Variants in KDM3A observed in about 807,000 individuals in gnomAD.
The protein encoded by KDM3A is lysine demethylase 3A, also known as lysine-specific demethylase 3A.
In KDM3A, 60 loss-of-function variants were observed where a neutral mutation model predicts 158.0. The ratio of observed to expected loss-of-function variants is 0.38; its 90% CI spans 0.31 to 0.47. The LOEUF (loss-of-function observed/expected upper bound fraction) is 0.47, where lower values mean the gene tolerates loss of function less well. KDM3A is among the 20% of genes least tolerant of loss of function. KDM3A has a pLI of 0.99. For synonymous variants in KDM3A, 608 were observed against 549.3 expected (o/e 1.11, Z -1.49); for missense variants, 1,319 against 1,574.3 (o/e 0.84, Z 2.74).
At position 86,466,744 on chromosome 2, in the gene KDM3A, T is replaced by C; in HGVS notation, c.1380T>C (p.Asn460=). The C allele has an allele frequency of 6.2e-7, 1 of 1,613,896 alleles. No homozygotes were observed. Among genetic ancestry groups the C allele is most frequent in the Middle Eastern group, 1.7e-4 (1 of 6,060 alleles). Reference sequence around the variant, plus strand: ...CACCAGAAGTGAAAGCAGGTGTCAATAGTGATAGCCCTAATAACTGTTCAG... The same window carrying C: ...CACCAGAAGTGAAAGCAGGTGTCAACAGTGATAGCCCTAATAACTGTTCAG... The part of the protein sequence containing the change: ...SNAPEVKAGV[N]SDSPNNCSGK... Residue 460 remains asparagine (N), a synonymous_variant, in exon 10 of 26, where the codon AAT becomes AAC. Transcript: ENST00000312912.
At chr2:86,476,565 C>T (rs1300252638) in intron 12 of KDM3A, among the ~76,000 whole-genome samples, 1 of 152,140 alleles carries the variant, frequency 6.6e-6, no homozygotes, top group Non-Finnish European at 1.5e-5. Context: ...TACCTCTGAT[C>T]CTGAGATTAG....
In KDM3A at chr2:86,442,136, A is replaced by C; in HGVS notation, c.89A>C (p.His30Pro). 1 of 1,614,142 alleles carries C rather than the reference A, an allele frequency of 6.2e-7. No individual in the cohort carries two copies. The highest frequency in any genetic ancestry group is 8.5e-7 in the Non-Finnish European group (1 of 1,180,020). ...GCAGCCGACGGCAGCGATGGCAGCC[A>C]CGACAGCTGGGACGTGGAGCGCGTC... ...LSAADGSDGS[H>P]DSWDVERVAE... The change falls in exon 2 of 26, where the codon CAC (histidine) becomes CCC (proline). Residue 30 changes from histidine (H) to proline (P), a missense_variant. His to Pro is a moderately conservative substitution (Grantham distance 77). Coordinates refer to ENST00000312912, the MANE Select transcript of KDM3A (RefSeq NM_018433.6).
In KDM3A at chr2:86,442,045, A is replaced by ACCAT; in HGVS notation, c.-2_2dup. The ACCAT allele has an allele frequency of 1.2e-6, 2 of 1,613,808 alleles. No homozygotes were observed. The highest frequency in any genetic ancestry group is 1.7e-6 in the Non-Finnish European group (2 of 1,179,904). On this transcript the variant is annotated 5_prime_UTR_variant, in exon 2 of 26. Coordinates refer to ENST00000312912, the MANE Select transcript of KDM3A (RefSeq NM_018433.6). ...AGGAGCTCTTCCTGCAGGCGTGGAA[A>ACCAT]CCATGGTGCTCACGCTCGGAGAAAG...
chr2:86,456,416 A>ATTTTTTTTTTT (rs11431031), intron 5 of KDM3A, 26 bp from the exon 6 acceptor site: 3 of 1,057,868 alleles, frequency 2.8e-6, no homozygotes, highest in South Asian at 2.1e-5. Flanking sequence ...TTGCTCTAAG[A>ATTTTTTTTTTT]TTTTTTTTTT....
At chr2:86,491,342 T>A in intron 25 of KDM3A, 67 bp downstream of exon 25, 1 of 1,515,066 alleles carries the variant, frequency 6.6e-7, no homozygotes, top group Admixed American at 1.7e-5. Context: ...ATTCTTCACC[T>A]TATAAAGAGA....
At chr2:86,486,506 G>A (rs1674186835) in intron 21 of KDM3A, among the ~76,000 whole-genome samples, 1 of 152,170 alleles carries the variant, frequency 6.6e-6, no homozygotes. Context: ...AAGGAAGTAT[G>A]TATTGTTGAA....
At chr2:86,448,491 C>T (rs1328789999) in intron 2 of KDM3A, among the ~76,000 whole-genome samples, 1 of 152,118 alleles carries the variant, frequency 6.6e-6, no homozygotes, top group Admixed American at 6.5e-5. Context: ...AATTGTCAAT[C>T]AGTTAACAAA....
In KDM3A at chr2:86,466,783, A is replaced by G. The variant is rs762608231; in HGVS notation, c.1419A>G (p.Glu473=). Residue 473 remains glutamate, a synonymous_variant, in exon 10 of 26, where the codon GAA becomes GAG. Transcript: ENST00000312912. ...ATAACTGTTCAGGAAAAAAGGTAGA[A>G]CCTTCAGCTTTAGCTTGCCGATCAC... ...SPNNCSGKKV[E]PSALACRSQN... 1 of 1,613,742 alleles carries G rather than the reference A, an allele frequency of 6.2e-7. No homozygotes were observed. Among genetic ancestry groups the G allele is most frequent in the South Asian group, 1.1e-5 (1 of 91,072 alleles).
intron 11 of KDM3A, 30 bp from the exon 12 acceptor site, chr2:86,474,746 T>TGTGTG: frequency 9.8e-7 from 1 of 1,022,586 alleles, no homozygotes; most frequent in African/African-American, 1.6e-5. Flanking sequence ...TGTGTGTACA[T>TGTGTG]TACATCTTTT....
Position 86,470,282 on chromosome 2 carries a change from A to T in KDM3A, c.1598A>T (p.Asp533Val). The T allele has an allele frequency of 6.2e-7, 1 of 1,614,122 alleles. No individual in the cohort carries two copies. Among genetic ancestry groups the T allele is most frequent in the Non-Finnish European group, 8.5e-7 (1 of 1,180,000 alleles). Residue 533 changes from aspartate (D) to valine (V), a missense_variant, in exon 11 of 26, where the codon GAT becomes GTT. Coordinates refer to ENST00000312912, the MANE Select transcript of KDM3A (RefSeq NM_018433.6). ...LQQSGEAFVQDDSCVNIVAQL... is the reference protein window; with the variant it reads ...LQQSGEAFVQVDSCVNIVAQL... ...CAGAGTGGCGAGGCCTTCGTACAGG[A>T]TGATTCTTGTGTGAACATCGTGGCA...
chr2:86,446,474 G>A (rs377743849), intron 2 of KDM3A, among the ~76,000 whole-genome samples: 48 of 152,262 alleles, frequency 3.2e-4, no homozygotes, highest in African/African-American at 7.0e-4. Flanking sequence ...AGGCCAAGAC[G>A]GGTGGATCAT....
chr2:86,466,192 C>T (rs966695686), intron 9 of KDM3A, among the ~76,000 whole-genome samples, 180 bp from the exon 10 acceptor site: 1 of 152,094 alleles, frequency 6.6e-6, no homozygotes, highest in Non-Finnish European at 1.5e-5. Flanking sequence ...TTTGCAGAAC[C>T]ATTGACTGAT....
chr2:86,470,058 C>G lies in KDM3A; in HGVS notation c.1520-146C>G, dbSNP rs1288294581. On this transcript the variant is annotated intron_variant, in intron 10 of 25. Transcript: ENST00000312912. ...ATTCTGATAGTTGTCTTCTGTTGAG[C>G]CATTTTTAGAAATTACAATTGAACC... 5 of 650,720 alleles carry G rather than the reference C, an allele frequency of 7.7e-6. No individual in the cohort carries two copies. The East Asian group carries it at 1.1e-4, about 14-fold the overall frequency. 40.3% of individuals were successfully genotyped at this position (650,720 alleles called of 1,614,324 possible).
At chr2:86,455,414 G>A (rs985926633) in intron 5 of KDM3A, among the ~76,000 whole-genome samples, 5 of 151,242 alleles carry the variant, frequency 3.3e-5, no homozygotes, top group South Asian at 2.1e-4. Flanking sequence ...CACCACACCC[G>A]GCTAGTTTTT....
chr2:86,442,516 T>C (rs1376777544), intron 2 of KDM3A: 1 of 301,378 alleles, frequency 3.3e-6, no homozygotes, highest in African/African-American at 2.2e-5. Flanking sequence ...GTCTCATCTT[T>C]ACTGCAGAGG....
intron 17 of KDM3A, 23 bp from the exon 18 acceptor site, chr2:86,482,435 C>T: frequency 6.2e-7 from 1 of 1,609,540 alleles, no homozygotes; most frequent in Non-Finnish European, 8.5e-7. Flanking sequence ...ATATTTGAGA[C>T]TTTTGTTCTT....
chr2:86,449,786 C>T (rs1573145110), intron 2 of KDM3A, 21 bp from the exon 3 acceptor site: 2 of 1,571,752 alleles, frequency 1.3e-6, no homozygotes, highest in Non-Finnish European at 1.7e-6. Flanking sequence ...CTTCCCCCAC[C>T]CCCCAATTTT....
chr2:86,466,305 G>A, intron 9 of KDM3A, 67 bp from the exon 10 acceptor site: 1 of 1,474,488 alleles, frequency 6.8e-7, no homozygotes, highest in Non-Finnish European at 9.1e-7. Context: ...CAAACAGTTT[G>A]TTTGGGGAAG....
At chr2:86,455,005 A>G (rs551976167) in intron 4 of KDM3A, 80 bp from the exon 5 acceptor site, 2 of 783,226 alleles carry the variant, frequency 2.6e-6, no homozygotes, top group East Asian at 2.8e-5. Context: ...TGATTAACCA[A>G]TTGAAATAGC....
Sources: allele counts gnomAD v4.1 joint callset (sites outside exome capture counted in the v4.1 genomes callset), GRCh38; gene constraint gnomAD v4.1.1; transcripts MANE v1.5; gene names NCBI Gene and HGNC (gene_info 2026-07-23, HGNC 2026-07-21).